NKAIN3: variants seen among roughly 807,000 people sequenced by gnomAD.
The protein encoded by NKAIN3 is sodium/potassium-transporting ATPase subunit beta-1-interacting protein 3.
In NKAIN3, 25 loss-of-function variants were observed where a neutral mutation model predicts 30.2. That is an observed-to-expected ratio of 0.83 (90% CI 0.60 to 1.16). The LOEUF is 1.16. Ranked by LOEUF, NKAIN3 falls within the 50% of genes most tolerant of loss-of-function variation. The pLI, the probability that NKAIN3 is intolerant of heterozygous loss-of-function variation, is 0.00. For synonymous variants in NKAIN3, 91 were observed against 89.6 expected (o/e 1.02, Z -0.09); for missense variants, 225 against 254.1 (o/e 0.89, Z 0.78).
chr8:62,845,135 T>C (rs540921501), intron 4 of NKAIN3, among the ~76,000 whole-genome samples: 1 of 151,648 alleles, frequency 6.6e-6, no homozygotes, highest in East Asian at 1.9e-4. Flanking sequence ...ATGTGTTGGA[T>C]TTTTTTAGGG....
intron 1 of NKAIN3, among the ~76,000 whole-genome samples, chr8:62,464,859 A>G (rs1479970991): frequency 3.9e-5 from 6 of 152,168 alleles, no homozygotes; most frequent in Non-Finnish European, 8.8e-5. Context: ...TGAATTATGC[A>G]TCCTAGAGAT....
At chr8:62,262,035 TAA>T (rs924516489) in intron 1 of NKAIN3, among the ~76,000 whole-genome samples, 1 of 151,810 alleles carries the variant, frequency 6.6e-6, no homozygotes, top group Non-Finnish European at 1.5e-5. Context: ...GTGACTGCAT[TAA>T]AAAAAAGAGT....
intron 4 of NKAIN3, among the ~76,000 whole-genome samples, chr8:62,904,594 C>A (rs1035698526): frequency 2.0e-5 from 3 of 152,194 alleles, no homozygotes; most frequent in Non-Finnish European, 4.4e-5. Context: ...AGTGGCTGAG[C>A]AACATGGTGA....
chr8:62,383,544 T>C (rs1436638467), intron 1 of NKAIN3: 8 of 455,330 alleles, frequency 1.8e-5, no homozygotes, highest in Admixed American at 1.2e-4. Context: ...CTTAATGGCA[T>C]CTTGAAACTC....
At chr8:62,588,412 A>T (rs1810545203) in intron 2 of NKAIN3, among the ~76,000 whole-genome samples, 1 of 151,848 alleles carries the variant, frequency 6.6e-6, no homozygotes, top group Non-Finnish European at 1.5e-5. Context: ...TAATTGTATT[A>T]TCTTAAAAAT....
intron 1 of NKAIN3, among the ~76,000 whole-genome samples, chr8:62,535,835 G>C (rs1159395395): frequency 2.0e-5 from 3 of 152,076 alleles, no homozygotes; most frequent in Admixed American, 6.6e-5. Flanking sequence ...TCTAATGAGA[G>C]AGTCTTAAGA....
chr8:62,395,596 T>C (rs1817730351), intron 1 of NKAIN3, among the ~76,000 whole-genome samples: 1 of 152,250 alleles, frequency 6.6e-6, no homozygotes, highest in South Asian at 2.1e-4. Context: ...CTTATGTAAA[T>C]TCTGGAACGT....
chr8:62,909,372 A>G (rs1263946672), intron 4 of NKAIN3, among the ~76,000 whole-genome samples: 1 of 152,232 alleles, frequency 6.6e-6, no homozygotes, highest in Non-Finnish European at 1.5e-5. Flanking sequence ...ATTTTAAATT[A>G]TATAACTACA....
chr8:62,623,027 T>C (rs1423389061), intron 3 of NKAIN3, among the ~76,000 whole-genome samples: 1 of 152,032 alleles, frequency 6.6e-6, no homozygotes, highest in Non-Finnish European at 1.5e-5. Context: ...TGTGAGTCTG[T>C]GTGTGTGTCA....
chr8:62,717,201 C>A (rs915129483), intron 3 of NKAIN3, among the ~76,000 whole-genome samples: 1 of 152,108 alleles, frequency 6.6e-6, no homozygotes. Flanking sequence ...AATCATGTGG[C>A]TTCTATTGCT....
At chr8:62,869,724 G>A (rs115827502) in intron 4 of NKAIN3, among the ~76,000 whole-genome samples, 2 of 152,004 alleles carry the variant, frequency 1.3e-5, no homozygotes, top group Non-Finnish European at 2.9e-5. Context: ...GACTGAGGGC[G>A]GCACTGTCAG....
rs546443064 is a variant in NKAIN3, at chr8:62,378,729, A to G, written c.54+129602A>G. 2.0e-5 allele frequency among the ~76,000 whole-genome samples: 3 copies of G among 152,334 alleles called. No homozygotes were observed. In the South Asian group the frequency reaches 6.2e-4, roughly 32 times the overall value. ...GTTGGGGAACCTCCACCTAGATTTC[A>G]GAGGAGGTATGGAAATGCGTGGATA... On this transcript the variant is annotated intron_variant, in intron 1 of 6. Transcript: ENST00000623646.
rs549616583 is a variant in NKAIN3, at chr8:62,793,653, G to T, written c.471+46524G>T. ...GGATGGGACCACTTCCCTCAGAAGT[G>T]ATTATGGTGGGCAGGCCTGTTGAGG... On this transcript the variant is annotated intron_variant, in intron 4 of 6. Coordinates refer to ENST00000623646, the MANE Select transcript of NKAIN3 (RefSeq NM_001304533.3). Among the ~76,000 whole-genome samples, 3 of 152,258 alleles carry T rather than the reference G, an allele frequency of 2.0e-5. No homozygotes were observed. The South Asian group carries it at 6.2e-4, about 32-fold the overall frequency.
intron 3 of NKAIN3, among the ~76,000 whole-genome samples, chr8:62,644,617 G>T (rs1203044464): frequency 1.3e-5 from 2 of 152,038 alleles, no homozygotes; most frequent in East Asian, 3.9e-4. Context: ...TGAAGTCTGT[G>T]GAAAGGACAA....
intron 3 of NKAIN3, among the ~76,000 whole-genome samples, chr8:62,704,071 A>G (rs1461771292): frequency 6.6e-6 from 1 of 152,134 alleles, no homozygotes; most frequent in African/African-American, 2.4e-5. Context: ...AATGGTCTCA[A>G]AATATTTTAT....
intron 5 of NKAIN3, among the ~76,000 whole-genome samples, chr8:62,942,193 TATATAC>T (rs1822979774): frequency 4.9e-5 from 4 of 81,316 alleles, no homozygotes; most frequent in Admixed American, 3.3e-4. Context: ...TATACACATA[TATATAC>T]ACACATATAT....
At chr8:62,815,768 G>A (rs1278014883) in intron 4 of NKAIN3, among the ~76,000 whole-genome samples, 1 of 151,988 alleles carries the variant, frequency 6.6e-6, no homozygotes, top group Non-Finnish European at 1.5e-5. Context: ...ATATCATACT[G>A]AATGGATAAA....
At chr8:62,403,552 G>A (rs1187615416) in intron 1 of NKAIN3, among the ~76,000 whole-genome samples, 4 of 152,194 alleles carry the variant, frequency 2.6e-5, no homozygotes, top group Non-Finnish European at 5.9e-5. Flanking sequence ...TACAGCTCAG[G>A]CCATTGTTTC....
At chr8:62,872,018 T>C (rs997597372) in intron 4 of NKAIN3, among the ~76,000 whole-genome samples, 1 of 152,238 alleles carries the variant, frequency 6.6e-6, no homozygotes, top group African/African-American at 2.4e-5. Flanking sequence ...TATACTGCTA[T>C]ATTTTACTTT....
Sources: allele counts gnomAD v4.1 joint callset (sites outside exome capture counted in the v4.1 genomes callset), GRCh38; gene constraint gnomAD v4.1.1; transcripts MANE v1.5; gene names NCBI Gene and HGNC (gene_info 2026-07-23, HGNC 2026-07-21).